ZNF17: variants seen among roughly 807,000 people sequenced by gnomAD.
ZNF17 encodes zinc finger protein 17 (HPF3, KOX 10).
In ZNF17, 4 loss-of-function variants were observed where a neutral mutation model predicts 7.7. That is an observed-to-expected ratio of 0.52 (90% CI 0.26 to 1.20). ZNF17 has a LOEUF of 1.20. ZNF17 is among the 50% of genes most tolerant of loss of function. The pLI is 0.14. For synonymous variants in ZNF17, 249 were observed against 258.8 expected, an observed-to-expected ratio of 0.96 and a Z score of 0.36; for missense variants, 738 against 799.5, an observed-to-expected ratio of 0.92 and a Z score of 0.93.
intron 2 of ZNF17, among the ~76,000 whole-genome samples, chr19:57,416,571 C>T (rs1358975327): frequency 4.6e-5 from 7 of 152,020 alleles, no homozygotes; most frequent in Middle Eastern, 3.4e-3. Context: ...AGTGCAGTGG[C>T]GCGATCTCGG....
At chr19:57,418,461 A>G (rs1369973355) in intron 3 of ZNF17, among the ~76,000 whole-genome samples, 1 of 152,068 alleles carries the variant, frequency 6.6e-6, no homozygotes, top group Non-Finnish European at 1.5e-5. Context: ...AGGACTCTCC[A>G]CTAGAAGTTC....
intron 2 of ZNF17, among the ~76,000 whole-genome samples, chr19:57,415,459 G>A (rs982248753): frequency 1.3e-5 from 2 of 152,164 alleles, no homozygotes; most frequent in African/African-American, 2.4e-5. Flanking sequence ...CAATGGAGGT[G>A]TTCAGGATGG....
At chr19:57,413,147 G>T (rs552975694) in intron 1 of ZNF17, among the ~76,000 whole-genome samples, 3 of 152,148 alleles carry the variant, frequency 2.0e-5, no homozygotes, top group Non-Finnish European at 4.4e-5. Flanking sequence ...AAAGTGCTGG[G>T]ATTAGAGGCT....
chr19:57,417,385 TTG>T (rs1441741618), intron 2 of ZNF17, among the ~76,000 whole-genome samples: 1 of 152,098 alleles, frequency 6.6e-6, no homozygotes, highest in Admixed American at 6.5e-5. Flanking sequence ...GGTACAAGCC[TTG>T]TGTTGATTTA....
At position 57,420,114 on chromosome 19, in the gene ZNF17, C is replaced by T; in HGVS notation, c.628C>T (p.His210Tyr). Reference sequence around the variant, plus strand: ...TTGCCACCAACATACACTGTTTGAGCACCAGAAAATCCACACAGAGGAAAG... The same window carrying T: ...TTGCCACCAACATACACTGTTTGAGTACCAGAAAATCCACACAGAGGAAAG... ...DFCHQHTLFE[H>Y]QKIHTEERPY... The change falls in exon 4 of 4, where the codon CAC becomes TAC. Residue 210 changes from histidine (H) to tyrosine (Y), a missense_variant. His to Tyr is a moderately conservative substitution (Grantham distance 83, BLOSUM62 2). Coordinates refer to ENST00000307658, the MANE Select transcript of ZNF17 (RefSeq NM_001330617.2). 6.2e-7 allele frequency: 1 copy of T among 1,614,210 alleles called. No homozygotes were observed. Among genetic ancestry groups the T allele is most frequent in the Admixed American group, 1.7e-5 (1 of 60,018 alleles).
At chr19:57,415,067 GAGT>G (rs1421268968) in intron 2 of ZNF17, among the ~76,000 whole-genome samples, 1 of 152,194 alleles carries the variant, frequency 6.6e-6, no homozygotes, top group Non-Finnish European at 1.5e-5. Flanking sequence ...GACAGAGTGA[GAGT>G]TAGGGAAGAA....
intron 2 of ZNF17, among the ~76,000 whole-genome samples, chr19:57,417,661 A>G (rs1447636903): frequency 6.6e-6 from 1 of 152,074 alleles, no homozygotes; most frequent in Non-Finnish European, 1.5e-5. Flanking sequence ...AGCCTGAACA[A>G]CATGGTGAAA....
chr19:57,416,751 A>G (rs1600094346), intron 2 of ZNF17, among the ~76,000 whole-genome samples: 1 of 151,074 alleles, frequency 6.6e-6, no homozygotes, highest in Admixed American at 6.6e-5. Context: ...CTTGTGATCT[A>G]CCTGCCTCAG....
At position 57,419,930 on chromosome 19, in the gene ZNF17, C is replaced by G. The variant is rs2088836665; in HGVS notation, c.444C>G (p.Asn148Lys). Residue 148 changes from asparagine to lysine, a missense_variant, in exon 4 of 4, where the codon AAC becomes AAG. Transcript: ENST00000307658. ...VNDSVHLAKRNLTCMQGGKDF... is the reference protein window; with the variant it reads ...VNDSVHLAKRKLTCMQGGKDF... ...ACAGTGTTCACCTGGCAAAGAGGAA[C>G]CTCACATGCATGCAGGGTGGCAAGG... is the stretch of plus-strand genomic sequence containing the variant. 6.2e-7 allele frequency: 1 copy of G among 1,614,082 alleles called. No homozygotes were observed. The highest frequency in any genetic ancestry group is 1.3e-5 in the African/African-American group (1 of 74,942).
At chr19:57,417,876 A>G (rs765047227) in intron 2 of ZNF17, 36 bp from the exon 3 acceptor site, 47 of 1,587,016 alleles carry the variant, frequency 3.0e-5, no homozygotes, top group Non-Finnish European at 4.0e-5. Context: ...AGAAAAAAAA[A>G]GTTGCTCACA....
intron 2 of ZNF17, among the ~76,000 whole-genome samples, chr19:57,417,561 C>T (rs935582474): frequency 6.6e-6 from 1 of 151,908 alleles, no homozygotes; most frequent in African/African-American, 2.4e-5. Flanking sequence ...TAAGAAGTTG[C>T]TCATGGGCCG....
intron 1 of ZNF17, among the ~76,000 whole-genome samples, chr19:57,412,412 C>A (rs879468263): frequency 6.6e-6 from 1 of 151,880 alleles, no homozygotes; most frequent in African/African-American, 2.4e-5. Context: ...TGCTTATCCC[C>A]TCCCTGCAAC....
intron 1 of ZNF17, among the ~76,000 whole-genome samples, chr19:57,412,633 A>G: frequency 6.6e-6 from 1 of 151,422 alleles, no homozygotes; most frequent in Non-Finnish European, 1.5e-5. Flanking sequence ...TTTAGTAGAG[A>G]CGGGGTTTCA....
intron 2 of ZNF17, among the ~76,000 whole-genome samples, chr19:57,413,937 A>G (rs2088794640): frequency 1.3e-5 from 2 of 152,196 alleles, no homozygotes; most frequent in Non-Finnish European, 2.9e-5. Flanking sequence ...TTAATGTTCT[A>G]GCTGGCAAGG....
At chr19:57,418,138 C>A in intron 3 of ZNF17, 100 bp downstream of exon 3, 1 of 1,449,986 alleles carries the variant, frequency 6.9e-7, no homozygotes, top group Non-Finnish European at 9.4e-7. Flanking sequence ...GATGCTGCAT[C>A]CTCTCCTGGT....
chr19:57,417,947 C>G lies in ZNF17; in HGVS notation c.57C>G (p.Phe19Leu). The G allele has an allele frequency of 6.2e-7, 1 of 1,613,688 alleles. No individual in the cohort carries two copies. Among genetic ancestry groups the G allele is most frequent in the Non-Finnish European group, 8.5e-7 (1 of 1,179,874 alleles). The part of the protein sequence containing the change: ...YMVFEDVAIH[F>L]SQEEWGILND... Reference sequence around the variant, plus strand: ...TTTTTGAGGACGTGGCCATACATTTCTCCCAGGAGGAGTGGGGAATTCTTA... The same window carrying G: ...TTTTTGAGGACGTGGCCATACATTTGTCCCAGGAGGAGTGGGGAATTCTTA... The change falls in exon 3 of 4, where the codon TTC becomes TTG. Residue 19 changes from phenylalanine to leucine, a missense_variant. By Grantham distance (22) the Phe-to-Leu change is conservative (BLOSUM62 0). This residue lies in a region of ZNF17 where 616 missense variants were observed against 663.9 expected (regional missense o/e 0.93). Coordinates refer to ENST00000307658, the MANE Select transcript of ZNF17 (RefSeq NM_001330617.2).
At chr19:57,415,839 A>G (rs190963183) in intron 2 of ZNF17, among the ~76,000 whole-genome samples, 134 of 152,286 alleles carry the variant, frequency 8.8e-4, no homozygotes, top group African/African-American at 2.4e-3. Flanking sequence ...TATGGACTCA[A>G]CAGGGTTTTG....
At position 57,421,502 on chromosome 19, in the gene ZNF17, A is replaced by T; in HGVS notation, c.*21A>T. On this transcript the variant is annotated 3_prime_UTR_variant, in exon 4 of 4. Coordinates refer to ENST00000307658, the MANE Select transcript of ZNF17 (RefSeq NM_001330617.2). ...GATAAAGAATGTATATATAAAGCAG[A>T]TGGGGAAAGACTTCACACAGAAATC... 6.4e-7 allele frequency: 1 copy of T among 1,557,480 alleles called. No homozygotes were observed. The highest frequency in any genetic ancestry group is 2.3e-5 in the East Asian group (1 of 44,290).
intron 2 of ZNF17, among the ~76,000 whole-genome samples, chr19:57,414,408 C>T (rs1417584504): frequency 6.6e-5 from 10 of 151,110 alleles, no homozygotes; most frequent in African/African-American, 2.4e-4. Flanking sequence ...GATCTCGGAT[C>T]ATTGCGACCT....
Sources: allele counts gnomAD v4.1 joint callset (sites outside exome capture counted in the v4.1 genomes callset), GRCh38; gene constraint gnomAD v4.1.1; regional missense constraint gnomAD v4.1.1; transcripts MANE v1.5; gene names NCBI Gene and HGNC (gene_info 2026-07-23, HGNC 2026-07-21).